ITPR2: variants seen among roughly 807,000 people sequenced by gnomAD.
ITPR2 encodes inositol 1,4,5-trisphosphate receptor type 2, also known as inositol 1,4,5-trisphosphate-gated calcium channel ITPR2.
A neutral mutation model predicts 317.1 loss-of-function variants in ITPR2; 207 were observed. That is an observed-to-expected ratio of 0.65 (90% CI 0.58 to 0.73). The LOEUF is 0.73. ITPR2 is among the 30% of genes least tolerant of loss of function. ITPR2 has a pLI of 0.00. For synonymous variants in ITPR2, 1,156 were observed against 1,149.1 expected (o/e 1.01, Z -0.12); for missense variants, 2,613 against 3,284.0 (o/e 0.80, Z 4.99).
chr12:26,383,541 T>C (rs1257291849), intron 55 of ITPR2, among the ~76,000 whole-genome samples: 1 of 152,062 alleles, frequency 6.6e-6, no homozygotes, highest in Non-Finnish European at 1.5e-5. Context: ...TGGAGGGCAG[T>C]GGCGTGATCT....
At chr12:26,654,977 T>C (rs940420092) in intron 20 of ITPR2, among the ~76,000 whole-genome samples, 46 of 152,338 alleles carry the variant, frequency 3.0e-4, no homozygotes, top group African/African-American at 1.1e-3. Flanking sequence ...ATAGAAGCTA[T>C]GATAATGTTT....
At chr12:26,463,192 T>C (rs1325584842) in intron 45 of ITPR2, among the ~76,000 whole-genome samples, 1 of 152,250 alleles carries the variant, frequency 6.6e-6, no homozygotes, top group East Asian at 1.9e-4. Flanking sequence ...CCTAATAATG[T>C]CAGGTTATAA....
At chr12:26,543,196 A>G (rs1944307485) in intron 37 of ITPR2, among the ~76,000 whole-genome samples, 1 of 152,268 alleles carries the variant, frequency 6.6e-6, no homozygotes, top group Non-Finnish European at 1.5e-5. Flanking sequence ...CAACCTCATC[A>G]GCCCACCTCT....
chr12:26,686,841 G>T (rs1272584062), intron 10 of ITPR2, among the ~76,000 whole-genome samples: 2 of 152,154 alleles, frequency 1.3e-5, no homozygotes, highest in Non-Finnish European at 2.9e-5. Flanking sequence ...CCTAGGGCGG[G>T]GTGGCTTGAT....
intron 2 of ITPR2, among the ~76,000 whole-genome samples, chr12:26,732,694 G>A (rs778945884): frequency 1.3e-5 from 2 of 152,172 alleles, no homozygotes; most frequent in Non-Finnish European, 2.9e-5. Context: ...CCTACGTAGT[G>A]TACTGTAGCC....
At chr12:26,424,645 A>G in intron 49 of ITPR2, among the ~76,000 whole-genome samples, 1 of 125,990 alleles carries the variant, frequency 7.9e-6, no homozygotes, top group Non-Finnish European at 1.5e-5. Flanking sequence ...GCTGGAGTGC[A>G]GTGGCACGAT....
intron 55 of ITPR2, among the ~76,000 whole-genome samples, chr12:26,354,782 C>T (rs1938580505): frequency 6.6e-6 from 1 of 152,128 alleles, no homozygotes; most frequent in African/African-American, 2.4e-5. Context: ...GATTCTCCTG[C>T]CTCAGCCTCC....
chr12:26,541,027 G>C (rs1196788870), intron 37 of ITPR2, among the ~76,000 whole-genome samples: 1 of 151,870 alleles, frequency 6.6e-6, no homozygotes, highest in Non-Finnish European at 1.5e-5. Context: ...ACATAACACA[G>C]CTGGGCGTGG....
chr12:26,487,745 A>C (rs1006415851), intron 39 of ITPR2, among the ~76,000 whole-genome samples: 6 of 152,206 alleles, frequency 3.9e-5, no homozygotes, highest in Non-Finnish European at 7.3e-5. Context: ...CTGTATAAAC[A>C]TGAGTTTATG....
chr12:26,517,027 A>C (rs1943540311), intron 37 of ITPR2, among the ~76,000 whole-genome samples: 1 of 152,172 alleles, frequency 6.6e-6, no homozygotes, highest in Non-Finnish European at 1.5e-5. Flanking sequence ...GAATATTTGA[A>C]GAGTATAACA....
At chr12:26,774,437 G>A (rs866018336) in intron 2 of ITPR2, among the ~76,000 whole-genome samples, 3 of 152,238 alleles carry the variant, frequency 2.0e-5, no homozygotes, top group Admixed American at 6.5e-5. Flanking sequence ...CCAGGAGTTC[G>A]AAACCAGCCT....
intron 55 of ITPR2, among the ~76,000 whole-genome samples, chr12:26,377,994 A>C (rs570107215): frequency 6.6e-6 from 1 of 151,652 alleles, no homozygotes; most frequent in African/African-American, 2.4e-5. Flanking sequence ...ACCAGAAAGA[A>C]CCTGTCCTCT....
At chr12:26,689,368 A>G (rs11048651) in intron 10 of ITPR2, among the ~76,000 whole-genome samples, 12,791 of 152,158 alleles carry the variant, frequency 0.084, 597 homozygotes, top group Middle Eastern at 0.15. Flanking sequence ...GTGAGCCAAG[A>G]TTGCATCACT....
chr12:26,726,379 G>C (rs1353736105), intron 2 of ITPR2, among the ~76,000 whole-genome samples: 1 of 152,160 alleles, frequency 6.6e-6, no homozygotes, highest in African/African-American at 2.4e-5. Context: ...GAATATTATA[G>C]TTGTGATATC....
Position 26,653,954 on chromosome 12 carries a change from T to C in ITPR2, c.2740+22A>G, listed in dbSNP as rs200056313. ...CTTCCAAGTAATAACAATGATATTATCACATTTCCCAAAATTCTTACCTCC... is the reference window on the plus strand; with the variant it reads ...CTTCCAAGTAATAACAATGATATTACCACATTTCCCAAAATTCTTACCTCC... On this transcript the variant is annotated intron_variant, in intron 21 of 56. Coordinates refer to ENST00000381340, the MANE Select transcript of ITPR2 (RefSeq NM_002223.4). 352 of 1,588,254 alleles carry C rather than the reference T, an allele frequency of 2.2e-4. No individual in the cohort carries two copies. Among genetic ancestry groups the C allele is most frequent in the Non-Finnish European group, 2.8e-4 (327 of 1,161,506 alleles).
chr12:26,777,937 T>A (rs1950005300), intron 2 of ITPR2, among the ~76,000 whole-genome samples: 1 of 152,186 alleles, frequency 6.6e-6, no homozygotes, highest in South Asian at 2.1e-4. Context: ...GGACACTGGC[T>A]CTGAGCTGAC....
chr12:26,697,483 G>A (rs147517977), intron 9 of ITPR2, among the ~76,000 whole-genome samples: 6 of 152,108 alleles, frequency 3.9e-5, no homozygotes, highest in South Asian at 2.1e-4. Context: ...TAAAGGCAAC[G>A]AAATAACATA....
chr12:26,367,167 A>G (rs1361444378), intron 55 of ITPR2, among the ~76,000 whole-genome samples: 1 of 152,220 alleles, frequency 6.6e-6, no homozygotes, highest in Admixed American at 6.5e-5. Flanking sequence ...AAATTGTATA[A>G]AGTACTGTGC....
chr12:26,467,124 C>A (rs1028992841), intron 45 of ITPR2, among the ~76,000 whole-genome samples: 9 of 152,144 alleles, frequency 5.9e-5, no homozygotes, highest in Middle Eastern at 3.2e-3. Flanking sequence ...GTGATAGATA[C>A]ATTTCATATG....
Sources: gnomAD v4.1 joint callset for allele counts (sites outside exome capture counted in the v4.1 genomes callset) on GRCh38, gnomAD v4.1.1 for gene constraint, MANE v1.5 for transcripts, NCBI Gene and HGNC (gene_info 2026-07-23, HGNC 2026-07-21) for gene names.